Variants in FREM1 observed in about 807,000 individuals in gnomAD.
FREM1 encodes the protein FRAS1-related extracellular matrix protein 1.
A neutral mutation model predicts 210.1 loss-of-function variants in FREM1; 220 were observed. The ratio of observed to expected loss-of-function variants is 1.05; its 90% CI spans 0.94 to 1.17. The LOEUF (loss-of-function observed/expected upper bound fraction) is 1.17. FREM1 is among the 50% of genes most tolerant of loss of function. The probability of loss-of-function intolerance (pLI) is 0.00; values close to 1 mark genes in which losing one functional copy is unlikely to be tolerated. For missense variants in FREM1, 3,454 were observed against 2,675.5 expected (o/e 1.29, Z -6.42); for synonymous variants, 1,189 against 980.2 (o/e 1.21, Z -3.98).
At chr9:14,804,514 G>A (rs1201855322) in intron 19 of FREM1, among the ~76,000 whole-genome samples, 1 of 152,178 alleles carries the variant, frequency 6.6e-6, no homozygotes, top group Non-Finnish European at 1.5e-5. Context: ...GAACCCGGGG[G>A]GCGGAGCTTG....
In FREM1 at chr9:14,833,338, G is replaced by A. The variant is rs957441329; in HGVS notation, c.1881+8109C>T. ...GCAAGAGGGAAGTATATCTTGGGAA[G>A]CGGCTGTTATCATCTTTGTTTTAGA... is the stretch of plus-strand genomic sequence containing the variant. On this transcript the variant is annotated intron_variant, in intron 10 of 36. Coordinates refer to ENST00000380880, the MANE Select transcript of FREM1 (RefSeq NM_001379081.2). 1.5e-4 allele frequency among the ~76,000 whole-genome samples: 23 copies of A among 152,310 alleles called. 2 individuals are homozygous for A. In the South Asian group the frequency reaches 4.6e-3, roughly 30 times the overall value.
intron 21 of FREM1, among the ~76,000 whole-genome samples, chr9:14,796,886 A>G (rs956571436): frequency 6.6e-6 from 1 of 152,202 alleles, no homozygotes; most frequent in African/African-American, 2.4e-5. Flanking sequence ...GCAGTGTGAG[A>G]ACAGACTAAT....
chr9:14,807,394 G>A (rs193227241), intron 17 of FREM1, among the ~76,000 whole-genome samples: 78 of 152,170 alleles, frequency 5.1e-4, no homozygotes, highest in African/African-American at 1.4e-3. Flanking sequence ...TGCTTGGGAG[G>A]TAGTTTGCAA....
chr9:14,818,110 G>C (rs773127873), intron 14 of FREM1, among the ~76,000 whole-genome samples: 8 of 152,146 alleles, frequency 5.3e-5, no homozygotes, highest in Non-Finnish European at 8.8e-5. Flanking sequence ...TGGATACCTT[G>C]TCAGACTTGA....
intron 10 of FREM1, 60 bp from the exon 11 acceptor site, chr9:14,825,052 C>A: frequency 2.6e-6 from 3 of 1,155,190 alleles, no homozygotes; most frequent in Non-Finnish European, 3.7e-6. Context: ...AAAGAAAATG[C>A]CCCACAATCA....
rs60376416 is a variant in FREM1 at position 14,763,818 on chromosome 9, T to G, written c.5205-3917A>C. 7.2e-3 allele frequency among the ~76,000 whole-genome samples: 1,100 copies of G among 152,312 alleles called. 16 individuals are homozygous for G. The highest frequency in any genetic ancestry group is 0.025 in the African/African-American group (1,038 of 41,582). ...ACATTGATTTAGATCCTATGTATGC[T>G]CCAAGGAAGCACAGGTCTTTGGTTC... On this transcript the variant is annotated intron_variant, in intron 27 of 36. Coordinates refer to ENST00000380880, the MANE Select transcript of FREM1 (RefSeq NM_001379081.2).
At chr9:14,743,036 C>A (rs7028604) in intron 35 of FREM1, among the ~76,000 whole-genome samples, 98,657 of 151,840 alleles carry the variant, frequency 0.65, 32,156 homozygotes, top group East Asian at 0.72. Context: ...TGGAAGGATC[C>A]AATAAGCTAA....
chr9:14,758,864 T>C (rs1844914564), intron 28 of FREM1, among the ~76,000 whole-genome samples: 1 of 152,204 alleles, frequency 6.6e-6, no homozygotes, highest in Non-Finnish European at 1.5e-5. Context: ...TTGACTGATC[T>C]AGAAGTGGTT....
At chr9:14,885,835 T>A (rs1835713269) in intron 1 of FREM1, among the ~76,000 whole-genome samples, 1 of 152,200 alleles carries the variant, frequency 6.6e-6, no homozygotes, top group African/African-American at 2.4e-5. Context: ...TTACCTTACA[T>A]ATCTTCTTTT....
intron 1 of FREM1, among the ~76,000 whole-genome samples, chr9:14,882,235 A>T (rs899609088): frequency 5.9e-5 from 9 of 152,106 alleles, no homozygotes; most frequent in Non-Finnish European, 1.2e-4. Context: ...CCTACCTAAC[A>T]GCATATGGGA....
At chr9:14,762,434 A>G (rs1307366345) in intron 27 of FREM1, among the ~76,000 whole-genome samples, 1 of 152,210 alleles carries the variant, frequency 6.6e-6, no homozygotes, top group Non-Finnish European at 1.5e-5. Context: ...GCGAAAAGCT[A>G]AATGCAATTT....
intron 15 of FREM1, among the ~76,000 whole-genome samples, chr9:14,815,735 T>C (rs12000879): frequency 0.031 from 4,684 of 152,042 alleles, 215 homozygotes; most frequent in African/African-American, 0.1. Flanking sequence ...GCAACCTCTG[T>C]CTCCCAGGTT....
In FREM1 at chr9:14,799,278, C is replaced by T. The variant is rs569358734; in HGVS notation, c.3695-1636G>A. Among the ~76,000 whole-genome samples, 5 of 151,146 alleles carry T rather than the reference C, an allele frequency of 3.3e-5. No individual in the cohort carries two copies. The East Asian group carries it at 7.8e-4, about 24-fold the overall frequency. On this transcript the variant is annotated intron_variant, in intron 20 of 36. Coordinates refer to ENST00000380880, the MANE Select transcript of FREM1 (RefSeq NM_001379081.2). ...TCCAGCCTAAGTGACAGTGCAAGAC[C>T]CTGTCTCCAAAAAAAAAAAAGGTAA...
chr9:14,745,716 T>C (rs1018709102), intron 35 of FREM1, among the ~76,000 whole-genome samples: 1 of 152,208 alleles, frequency 6.6e-6, no homozygotes, highest in Non-Finnish European at 1.5e-5. Context: ...GTTTAGATAA[T>C]ATCCAGATTG....
At position 14,776,157 on chromosome 9, in the gene FREM1, T is replaced by C. The variant is rs377466529; in HGVS notation, c.4489A>G (p.Ile1497Val). ...GLRTEHGVFEITLETVDRALP... is the reference protein window; with the variant it reads ...GLRTEHGVFEVTLETVDRALP... ...GCTCTGTCCACAGTCTCCAGTGTGA[T>C]CTCAAACACCCCGTGCTCGGTCCGC... Residue 1497 changes from isoleucine to valine, a missense_variant, in exon 25 of 37, where the codon ATC (isoleucine) becomes GTC (valine). By Grantham distance (29) the Ile-to-Val change is conservative. Coordinates refer to ENST00000380880, the MANE Select transcript of FREM1 (RefSeq NM_001379081.2). 1.3e-6 allele frequency: 2 copies of C among 1,554,700 alleles called. No homozygotes were observed. The highest frequency in any genetic ancestry group is 1.2e-5 in the South Asian group (1 of 80,674).
In FREM1 at chr9:14,776,117, G is replaced by T; in HGVS notation, c.4529C>A (p.Thr1510Asn). ...ETVDRALPVV[T>N]RNKGLRLAQG... ...GGCCAGTCTCAACCCCTTGTTCCTG[G>T]TTACCACAGGCAGGGCTCTGTCCAC... The change falls in exon 25 of 37, where the codon ACC becomes AAC. Residue 1510 changes from threonine to asparagine, a missense_variant. Transcript: ENST00000380880. The T allele has an allele frequency of 6.3e-7, 1 of 1,597,862 alleles. No homozygotes were observed. Among genetic ancestry groups the T allele is most frequent in the South Asian group, 1.1e-5 (1 of 88,408 alleles).
chr9:14,877,609 G>A (rs1316052105), intron 1 of FREM1, among the ~76,000 whole-genome samples: 5 of 151,996 alleles, frequency 3.3e-5, no homozygotes, highest in African/African-American at 7.3e-5. Context: ...TTATACAGGA[G>A]ACTCTCTCGG....
intron 24 of FREM1, among the ~76,000 whole-genome samples, chr9:14,778,860 T>C (rs1849178972): frequency 6.6e-6 from 1 of 151,602 alleles, no homozygotes; most frequent in Non-Finnish European, 1.5e-5. Flanking sequence ...CTGGGCAACA[T>C]GGCAAAAGCC....
Position 14,900,973 on chromosome 9 carries a change from T to C in FREM1, c.-268+8941A>G, listed in dbSNP as rs139045599. On this transcript the variant is annotated intron_variant, in intron 1 of 36. Coordinates refer to ENST00000380880, the MANE Select transcript of FREM1 (RefSeq NM_001379081.2). ...GTCAGAAAGGAAGCAAAGCCTAAAA[T>C]GAAAGAAATTAACATAAAGTTTAGC... Among the ~76,000 whole-genome samples, 29 of 152,338 alleles carry C rather than the reference T, an allele frequency of 1.9e-4. No individual in the cohort carries two copies. The East Asian group carries it at 5.0e-3, about 26-fold the overall frequency.
Sources: allele counts gnomAD v4.1 joint callset (sites outside exome capture counted in the v4.1 genomes callset), GRCh38; gene constraint gnomAD v4.1.1; transcripts MANE v1.5; gene names NCBI Gene and HGNC (gene_info 2026-07-23, HGNC 2026-07-21).